PPARGC1B: variants seen among roughly 807,000 people sequenced by gnomAD.
PPARGC1B encodes the protein peroxisome proliferator-activated receptor gamma coactivator 1-beta.
PPARGC1B carries 34 observed loss-of-function variants against 101.6 expected under a neutral mutation model. That is an observed-to-expected ratio of 0.33 (90% confidence interval 0.25 to 0.45). The LOEUF is 0.45. Among genes scored for constraint, PPARGC1B ranks in the 20% least tolerant of loss-of-function variants. PPARGC1B has a pLI of 1.00. For synonymous variants in PPARGC1B, 548 were observed against 539.3 expected (o/e 1.02, Z -0.22); for missense variants, 1,234 against 1,317.6 (o/e 0.94, Z 0.98).
intron 1 of PPARGC1B, among the ~76,000 whole-genome samples, chr5:149,789,138 AG>A (rs1756916870): frequency 6.6e-6 from 1 of 152,350 alleles, no homozygotes; most frequent in South Asian, 2.1e-4. Context: ...AGCAGGAAAG[AG>A]GCCTGTGATC....
intron 1 of PPARGC1B, among the ~76,000 whole-genome samples, chr5:149,811,618 G>A (rs1172524726): frequency 6.6e-6 from 1 of 152,218 alleles, no homozygotes; most frequent in Non-Finnish European, 1.5e-5. Context: ...ACAGGAGAGG[G>A]TGGGGAGTGT....
intron 2 of PPARGC1B, among the ~76,000 whole-genome samples, chr5:149,824,781 A>C (rs1004001645): frequency 1.3e-5 from 2 of 152,128 alleles, no homozygotes; most frequent in Admixed American, 1.3e-4. Context: ...TCGGACCCTG[A>C]TCTACCCTCG....
At chr5:149,845,643 C>A in intron 10 of PPARGC1B, 117 bp from the exon 11 acceptor site, 2 of 1,059,056 alleles carry the variant, frequency 1.9e-6, no homozygotes, top group Middle Eastern at 3.2e-4. Flanking sequence ...ATCTAGGGGG[C>A]CACGTGATGT....
chr5:149,836,380 T>A lies in PPARGC1B; in HGVS notation c.1925T>A (p.Leu642His), dbSNP rs369097500. 22 of 1,613,882 alleles carry A rather than the reference T, an allele frequency of 1.4e-5. No individual in the cohort carries two copies. Among genetic ancestry groups the A allele is most frequent in the Non-Finnish European group, 1.8e-5 (21 of 1,179,980 alleles). ...IALSLPSPEGLSLKATPGAAH... is the reference protein window; with the variant it reads ...IALSLPSPEGHSLKATPGAAH... ...CTCAGCCTCCCCTCCCCTGAGGGCC[T>A]CTCACTCAAGGCCACCCCAGGGGCT... The change falls in exon 8 of 12, where the codon CTC becomes CAC. Residue 642 changes from leucine to histidine, a missense_variant. Leu to His is a moderately conservative substitution (Grantham distance 99). This residue lies in a region of PPARGC1B where 497 missense variants were observed against 529.5 expected (regional missense o/e 0.94). Coordinates refer to ENST00000309241, the MANE Select transcript of PPARGC1B (RefSeq NM_133263.4).
At chr5:149,756,012 C>G (rs745373307) in intron 1 of PPARGC1B, among the ~76,000 whole-genome samples, 36 of 152,308 alleles carry the variant, frequency 2.4e-4, no homozygotes, top group Non-Finnish European at 4.7e-4. Context: ...CAAGACCTTG[C>G]TCTGCCCTCG....
rs139595031 is a variant in PPARGC1B at position 149,832,357 on chromosome 5, C to T, written c.583-299C>T. Among the ~76,000 whole-genome samples the T allele has an allele frequency of 2.0e-3, 298 of 152,098 alleles. 1 individual carries two copies. The highest frequency in any genetic ancestry group is 3.8e-3 in the Admixed American group (58 of 15,272). ...CTGCCCGGCTCTTGGCTGAGGGGTA[C>T]GGAGCAGGGAGGCGGAATGGTCAGA... On this transcript the variant is annotated intron_variant, in intron 4 of 11. Transcript: ENST00000309241. This position sits in a 1 kb window ranked among gnomAD's most constrained non-coding sequence, Gnocchi z 4.9.
intron 1 of PPARGC1B, among the ~76,000 whole-genome samples, chr5:149,759,400 T>C (rs1755642181): frequency 6.6e-6 from 1 of 152,094 alleles, no homozygotes; most frequent in Non-Finnish European, 1.5e-5. Flanking sequence ...TGCACTTCTC[T>C]TGGAGTGGAT....
At chr5:149,836,227 T>C in intron 7 of PPARGC1B, 36 bp from the exon 8 acceptor site, 2 of 1,487,200 alleles carry the variant, frequency 1.3e-6, no homozygotes, top group Non-Finnish European at 1.8e-6. Flanking sequence ...AGAAGTGATC[T>C]GTCTTTATCT....
chr5:149,840,228 G>A (rs1034019893), intron 9 of PPARGC1B, 112 bp downstream of exon 9: 47 of 946,114 alleles, frequency 5.0e-5, no homozygotes, highest in Non-Finnish European at 6.3e-5. Flanking sequence ...CTCAGTCTTC[G>A]GCCTCTGCCT....
chr5:149,742,907 G>C (rs1040475292), intron 1 of PPARGC1B, among the ~76,000 whole-genome samples: 1 of 152,070 alleles, frequency 6.6e-6, no homozygotes, highest in Non-Finnish European at 1.5e-5. Flanking sequence ...GTGGGTGGTG[G>C]GGCCCATACC....
chr5:149,730,884 T>C lies in PPARGC1B; in HGVS notation c.78+464T>C, dbSNP rs921359156. Among the ~76,000 whole-genome samples, 2 of 152,182 alleles carry C rather than the reference T, an allele frequency of 1.3e-5. No individual in the cohort carries two copies. Among genetic ancestry groups the C allele is most frequent in the Non-Finnish European group, 2.9e-5 (2 of 68,032 alleles). On this transcript the variant is annotated intron_variant, in intron 1 of 11. Transcript: ENST00000309241. This position sits in a 1 kb window ranked among gnomAD's most constrained non-coding sequence, Gnocchi z 4.0. The stretch of plus-strand genomic sequence containing the variant: ...AGTCCCCTAGTCCTCCAGGCTGTAG[T>C]CCCCAGAGTGCTGTTGCTGGCCCCC...
intron 1 of PPARGC1B, among the ~76,000 whole-genome samples, chr5:149,760,011 C>T (rs1450170464): frequency 6.6e-6 from 1 of 152,234 alleles, no homozygotes; most frequent in African/African-American, 2.4e-5. Flanking sequence ...CCACAGGGTG[C>T]TCCAGACATG....
chr5:149,734,430 G>A (rs1407465140), intron 1 of PPARGC1B, among the ~76,000 whole-genome samples: 1 of 144,416 alleles, frequency 6.9e-6, no homozygotes, highest in Non-Finnish European at 1.5e-5. Flanking sequence ...CAAACAATAT[G>A]CTGTGAACAT....
chr5:149,782,856 G>A (rs919551423), intron 1 of PPARGC1B, among the ~76,000 whole-genome samples: 1 of 152,174 alleles, frequency 6.6e-6, no homozygotes, highest in Admixed American at 6.5e-5. Context: ...GCTCTGGCCA[G>A]ATGTTCAACA....
chr5:149,782,208 G>A (rs1482598071), intron 1 of PPARGC1B, among the ~76,000 whole-genome samples: 3 of 152,114 alleles, frequency 2.0e-5, no homozygotes, highest in South Asian at 4.1e-4. Flanking sequence ...ATCAGCTTGG[G>A]GTTGGGTGGC....
At chr5:149,824,911 C>T (rs1380428895) in intron 2 of PPARGC1B, among the ~76,000 whole-genome samples, 2 of 152,252 alleles carry the variant, frequency 1.3e-5, no homozygotes, top group Admixed American at 6.5e-5. Context: ...GTTCCCCCTT[C>T]GAACTACTCA....
Position 149,832,464 on chromosome 5 carries a change from C to G in PPARGC1B, c.583-192C>G, listed in dbSNP as rs1413884634. On this transcript the variant is annotated intron_variant, in intron 4 of 11. Transcript: ENST00000309241. This position sits in a 1 kb window ranked among gnomAD's most constrained non-coding sequence, Gnocchi z 4.9. Reference sequence around the variant, plus strand: ...GAGAGCTGTTAGGAGGCTGGTCTTTCCTTCATTCCTCATCCACTGAGCACA... The same window carrying G: ...GAGAGCTGTTAGGAGGCTGGTCTTTGCTTCATTCCTCATCCACTGAGCACA... Among the ~76,000 whole-genome samples, 5 of 152,160 alleles carry G rather than the reference C, an allele frequency of 3.3e-5. No homozygotes were observed. The South Asian group carries it at 1.0e-3, about 32-fold the overall frequency.
chr5:149,739,329 A>G (rs1056089687), intron 1 of PPARGC1B, among the ~76,000 whole-genome samples: 2 of 152,192 alleles, frequency 1.3e-5, no homozygotes, highest in South Asian at 2.1e-4. Flanking sequence ...ATTTCTCCCA[A>G]TAACTGTGAG....
At chr5:149,746,637 T>C (rs1417422242) in intron 1 of PPARGC1B, among the ~76,000 whole-genome samples, 1 of 152,220 alleles carries the variant, frequency 6.6e-6, no homozygotes, top group African/African-American at 2.4e-5. Context: ...TGCTGGATTA[T>C]ATGGTAGTTC....
Sources: allele counts gnomAD v4.1 joint callset (sites outside exome capture counted in the v4.1 genomes callset), GRCh38; gene constraint gnomAD v4.1.1; regional missense constraint gnomAD v4.1.1; non-coding constraint Gnocchi (gnomAD v3.1); transcripts MANE v1.5; gene names NCBI Gene and HGNC (gene_info 2026-07-23, HGNC 2026-07-21).